GRIA4: variants seen among roughly 807,000 people sequenced by gnomAD.
The protein encoded by GRIA4 is glutamate ionotropic receptor AMPA type subunit 4, also known as glutamate receptor 4.
A neutral mutation model predicts 104.0 loss-of-function variants in GRIA4; 34 were observed. The observed-to-expected ratio is 0.33, with a 90% CI of 0.25 to 0.44. The LOEUF (loss-of-function observed/expected upper bound fraction) is 0.44. Among genes scored for constraint, GRIA4 ranks in the 20% least tolerant of loss-of-function variants. The pLI is 1.00. For synonymous variants in GRIA4, 386 were observed against 381.9 expected (o/e 1.01, Z -0.13); for missense variants, 750 against 1,096.5 (o/e 0.68, Z 4.46).
At chr11:105,704,282 G>T (rs567514337) in intron 3 of GRIA4, among the ~76,000 whole-genome samples, 1 of 152,048 alleles carries the variant, frequency 6.6e-6, no homozygotes, top group African/African-American at 2.4e-5. Flanking sequence ...TTAGAAATCA[G>T]GAAAGGCATT....
At chr11:105,673,772 G>A (rs1057015818) in intron 3 of GRIA4, among the ~76,000 whole-genome samples, 8 of 151,484 alleles carry the variant, frequency 5.3e-5, no homozygotes, top group African/African-American at 1.9e-4. Context: ...TTGAATTAAC[G>A]TTTGTTTAAT....
At chr11:105,645,331 G>A (rs1474885826) in intron 3 of GRIA4, among the ~76,000 whole-genome samples, 1 of 152,186 alleles carries the variant, frequency 6.6e-6, no homozygotes, top group Non-Finnish European at 1.5e-5. Context: ...GGAGTCAACT[G>A]ATTTGAAAGG....
At chr11:105,611,521 T>G (rs1950480846) in intron 2 of GRIA4, among the ~76,000 whole-genome samples, 1 of 152,198 alleles carries the variant, frequency 6.6e-6, no homozygotes, top group South Asian at 2.1e-4. Context: ...AGAAAGACAC[T>G]GTTTGAGGAA....
At chr11:105,795,334 T>C (rs981985382) in intron 4 of GRIA4, among the ~76,000 whole-genome samples, 3 of 152,144 alleles carry the variant, frequency 2.0e-5, no homozygotes, top group African/African-American at 7.2e-5. Context: ...AAGAATACGA[T>C]GTTATCACCA....
chr11:105,793,198 G>A (rs1236351376), intron 4 of GRIA4, among the ~76,000 whole-genome samples: 1 of 152,048 alleles, frequency 6.6e-6, no homozygotes, highest in Non-Finnish European at 1.5e-5. Context: ...CTCTCTGGGG[G>A]CCCTAGATTA....
intron 2 of GRIA4, among the ~76,000 whole-genome samples, chr11:105,611,480 A>G (rs550502736): frequency 6.6e-6 from 1 of 152,158 alleles, no homozygotes; most frequent in East Asian, 1.9e-4. Context: ...ACTTCTTCCC[A>G]TTCTGGACGC....
chr11:105,853,214 G>A (rs1001393093), intron 4 of GRIA4, among the ~76,000 whole-genome samples: 1 of 152,084 alleles, frequency 6.6e-6, no homozygotes, highest in Admixed American at 6.6e-5. Context: ...TTGTTTTTAT[G>A]AACCAAAAAT....
At chr11:105,697,203 G>A (rs1161117486) in intron 3 of GRIA4, among the ~76,000 whole-genome samples, 11 of 152,112 alleles carry the variant, frequency 7.2e-5, no homozygotes, top group South Asian at 2.1e-4. Context: ...TGTTTTGGTG[G>A]TATGAGAAAA....
At chr11:105,615,366 A>G (rs953597847) in intron 3 of GRIA4, among the ~76,000 whole-genome samples, 8 of 151,876 alleles carry the variant, frequency 5.3e-5, no homozygotes, top group African/African-American at 1.9e-4. Flanking sequence ...AATTTTTGGT[A>G]TAAATCCCAC....
intron 4 of GRIA4, among the ~76,000 whole-genome samples, chr11:105,785,419 A>G (rs1242611474): frequency 6.6e-6 from 1 of 152,222 alleles, no homozygotes; most frequent in East Asian, 1.9e-4. Context: ...ACAAAAAAGA[A>G]CAGAATGAAA....
intron 3 of GRIA4, among the ~76,000 whole-genome samples, chr11:105,671,425 C>T (rs759199073): frequency 6.6e-6 from 1 of 151,556 alleles, no homozygotes; most frequent in African/African-American, 2.4e-5. Context: ...ACCTGTAATC[C>T]CAGCAATTTG....
At chr11:105,917,337 A>G (rs889734521) in intron 10 of GRIA4, among the ~76,000 whole-genome samples, 12 of 152,340 alleles carry the variant, frequency 7.9e-5, no homozygotes, top group African/African-American at 2.9e-4. Context: ...CTGTAGAATT[A>G]TTTAGGGCAT....
chr11:105,679,784 C>A (rs1329263959), intron 3 of GRIA4, among the ~76,000 whole-genome samples: 6 of 152,088 alleles, frequency 3.9e-5, no homozygotes, highest in Non-Finnish European at 7.4e-5. Flanking sequence ...TTTATAACAA[C>A]CTTCTTTCAC....
chr11:105,940,553 A>G (rs1158685078), intron 14 of GRIA4, among the ~76,000 whole-genome samples: 1 of 152,160 alleles, frequency 6.6e-6, no homozygotes, highest in East Asian at 1.9e-4. Context: ...ATACAATACT[A>G]TAAATAGCTC....
rs560379721 is a variant in GRIA4, at chr11:105,682,707, A to C, written c.247+70273A>C. On this transcript the variant is annotated intron_variant, in intron 3 of 16. Transcript: ENST00000282499. ...ACTCTTATTTTAACCTACTGTTCAG[A>C]TGGTAGTTAGCTCTTATGATTAATT... 8.5e-5 allele frequency among the ~76,000 whole-genome samples: 13 copies of C among 152,278 alleles called. No homozygotes were observed. In the East Asian group the frequency reaches 2.5e-3, roughly 29 times the overall value.
At chr11:105,685,280 C>G (rs1445607) in intron 3 of GRIA4, among the ~76,000 whole-genome samples, 70,916 of 151,954 alleles carry the variant, frequency 0.47, 17,530 homozygotes, top group Admixed American at 0.58. Context: ...CAGCCTATGT[C>G]TCTTAAGAAA....
At chr11:105,883,647 G>A (rs1184457205) in intron 5 of GRIA4, among the ~76,000 whole-genome samples, 2 of 152,076 alleles carry the variant, frequency 1.3e-5, no homozygotes, top group African/African-American at 2.4e-5. Context: ...TGGTGTATAT[G>A]TGCCACATTT....
At chr11:105,803,000 GTAAC>G (rs1265373156) in intron 4 of GRIA4, among the ~76,000 whole-genome samples, 1 of 151,846 alleles carries the variant, frequency 6.6e-6, no homozygotes, top group Non-Finnish European at 1.5e-5. Flanking sequence ...TTAAATCACA[GTAAC>G]TAACATTTGA....
intron 3 of GRIA4, among the ~76,000 whole-genome samples, chr11:105,742,986 C>T (rs185213692): frequency 7.2e-5 from 11 of 152,250 alleles, no homozygotes; most frequent in African/African-American, 2.6e-4. Flanking sequence ...ATCCACCCAT[C>T]TCAGCCTCCC....
Sources: gnomAD v4.1 joint callset for allele counts (sites outside exome capture counted in the v4.1 genomes callset) on GRCh38, gnomAD v4.1.1 for gene constraint, MANE v1.5 for transcripts, NCBI Gene and HGNC (gene_info 2026-07-23, HGNC 2026-07-21) for gene names.